The following GLIS1 variants were observed in gnomAD, a reference collection of about 807,000 sequenced individuals.
GLIS1 encodes zinc finger protein GLIS1.
Under a neutral mutation model 63.8 loss-of-function variants are expected in GLIS1, and 24 were observed. That is an observed-to-expected ratio of 0.38 (90% CI 0.27 to 0.53). The LOEUF is 0.53. Ranked by LOEUF, GLIS1 falls within the 20% of genes least tolerant of loss-of-function variation. The pLI, the probability that GLIS1 is intolerant of heterozygous loss-of-function variation, is 0.85. For synonymous variants in GLIS1, 450 were observed against 482.5 expected, an observed-to-expected ratio of 0.93 and a Z score of 0.88; for missense variants, 1,036 against 1,074.1, an observed-to-expected ratio of 0.96 and a Z score of 0.50.
rs367567739 is a variant in GLIS1 at position 53,594,525 on chromosome 1, C to T, written c.903G>A (p.Ser301=). 32 of 1,611,522 alleles carry T rather than the reference C, an allele frequency of 2.0e-5. No individual in the cohort carries two copies. The East Asian group carries it at 2.0e-4, about 10-fold the overall frequency. ...GCAAGCTGCCCTCATGGCTGTCCGT[C>T]GATGCAGGGCCAGGCCGGGCCCGCT... ...PSKRARPGPA[S]TDSHEGSLQL... is the part of the protein sequence containing the mutation. Residue 301 remains serine, a synonymous_variant, in exon 4 of 11, where the codon TCG becomes TCA. Transcript: ENST00000628545.
chr1:53,679,057 G>C (rs893761587), intron 2 of GLIS1, among the ~76,000 whole-genome samples: 1 of 152,216 alleles, frequency 6.6e-6, no homozygotes, highest in Non-Finnish European at 1.5e-5. Context: ...CAGGTCTGAA[G>C]TTGGGCTCGT....
intron 4 of GLIS1, among the ~76,000 whole-genome samples, chr1:53,537,447 G>A (rs1326173585): frequency 4.6e-5 from 7 of 152,238 alleles, no homozygotes; most frequent in Admixed American, 3.3e-4. Context: ...ACACCATGCC[G>A]CAAACCAAAG....
chr1:53,632,636 G>C (rs1002818055), intron 2 of GLIS1, among the ~76,000 whole-genome samples: 3 of 150,230 alleles, frequency 2.0e-5, no homozygotes, highest in African/African-American at 7.4e-5. Context: ...ATGTGAATGA[G>C]TGTGATTGAG....
rs1553120127 is a variant in GLIS1, at chr1:53,522,986, CTTTT to C, written c.1593+1787_1593+1790del. Among the ~76,000 whole-genome samples, 285 of 43,682 alleles carry C rather than the reference CTTTT, an allele frequency of 6.5e-3. 1 individual carries two copies. In the East Asian group the frequency reaches 0.14, roughly 22 times the overall value. 28.7% of individuals were successfully genotyped at this position (43,682 alleles called of 152,430 possible). The stretch of plus-strand genomic sequence containing the variant: ...AGTTTCTTTTTCTTTTCTTTTCTTT[CTTTT>C]TTTTTTTTTTTTTTTGAGACAGGGT... On this transcript the variant is annotated intron_variant, in intron 6 of 10. Coordinates refer to ENST00000628545, the MANE Select transcript of GLIS1 (RefSeq NM_001367484.1).
In GLIS1 at chr1:53,601,043, G is replaced by C. The variant is rs1429334554; in HGVS notation, c.260-765C>G. ...CTGGGCCTCAGTTTTCTCATCTACG[G>C]ATGAGGGATATACACCTCCAAACTC... is the stretch of plus-strand genomic sequence containing the variant. On this transcript the variant is annotated intron_variant, in intron 2 of 10. Coordinates refer to ENST00000628545, the MANE Select transcript of GLIS1 (RefSeq NM_001367484.1). 2.2e-4 allele frequency among the ~76,000 whole-genome samples: 27 copies of C among 123,458 alleles called. No homozygotes were observed. In the Admixed American group the frequency reaches 2.4e-3, roughly 11 times the overall value. The allele number at this position is 123,458 out of a possible 152,430, so 81.0% of individuals were successfully genotyped here.
In GLIS1 at chr1:53,639,803, T is replaced by C. The variant is rs1645766492; in HGVS notation, c.260-39525A>G. Among the ~76,000 whole-genome samples the C allele has an allele frequency of 6.6e-6, 1 of 152,100 alleles. No homozygotes were observed. The highest frequency in any genetic ancestry group is 6.6e-5 in the Admixed American group (1 of 15,266). ...AAACCCTTCTCCCCCAGGACTATAC[T>C]CCTCACAGCTGCCCCGAGGTTCTGC... On this transcript the variant is annotated intron_variant, in intron 2 of 10. Coordinates refer to ENST00000628545, the MANE Select transcript of GLIS1 (RefSeq NM_001367484.1). This position sits in a 1 kb window ranked among gnomAD's most constrained non-coding sequence, Gnocchi z 4.6.
chr1:53,630,083 T>C (rs963458960), intron 2 of GLIS1, among the ~76,000 whole-genome samples: 5 of 152,238 alleles, frequency 3.3e-5, no homozygotes, highest in Admixed American at 2.6e-4. Context: ...TACACATACA[T>C]ACAGATATTT....
At chr1:53,617,535 C>A (rs958837518) in intron 2 of GLIS1, among the ~76,000 whole-genome samples, 9 of 152,232 alleles carry the variant, frequency 5.9e-5, no homozygotes, top group Admixed American at 2.6e-4. Context: ...CTCGGCCACG[C>A]TACTTGTGAC....
At chr1:53,610,293 C>T (rs1569913872) in intron 2 of GLIS1, among the ~76,000 whole-genome samples, 1 of 152,174 alleles carries the variant, frequency 6.6e-6, no homozygotes, top group Non-Finnish European at 1.5e-5. Flanking sequence ...TCCCTTCATC[C>T]TGTTTCCATA....
At chr1:53,590,875 G>A (rs1460823849) in intron 4 of GLIS1, among the ~76,000 whole-genome samples, 2 of 152,160 alleles carry the variant, frequency 1.3e-5, no homozygotes, top group African/African-American at 4.8e-5. Flanking sequence ...AGATGCTCAG[G>A]CAGAGGGGAG....
intron 2 of GLIS1, among the ~76,000 whole-genome samples, chr1:53,688,027 G>A (rs1046335603): frequency 2.0e-5 from 3 of 151,262 alleles, no homozygotes; most frequent in African/African-American, 4.8e-5. Flanking sequence ...CAAGATCACC[G>A]TGCTGTGCTG....
chr1:53,542,212 G>A lies in GLIS1; in HGVS notation c.1321-12260C>T, dbSNP rs527726624. Among the ~76,000 whole-genome samples, 19 of 152,362 alleles carry A rather than the reference G, an allele frequency of 1.2e-4. 1 individual carries two copies. Among genetic ancestry groups the A allele is most frequent in the Admixed American group, 1.1e-3 (17 of 15,306 alleles). On this transcript the variant is annotated intron_variant, in intron 4 of 10. Coordinates refer to ENST00000628545, the MANE Select transcript of GLIS1 (RefSeq NM_001367484.1). ...GCCTCGGTTTTCATCTGTCAAAGGG[G>A]TCCGTGTGGAATAGCACTGCACCTC...
intron 4 of GLIS1, among the ~76,000 whole-genome samples, chr1:53,558,112 G>C (rs1253224835): frequency 3.9e-5 from 6 of 152,138 alleles, no homozygotes; most frequent in Non-Finnish European, 8.8e-5. Context: ...AGGCTGGAAG[G>C]GCACACTGTC....
chr1:53,684,589 C>T (rs192333634), intron 2 of GLIS1, among the ~76,000 whole-genome samples: 19 of 152,214 alleles, frequency 1.2e-4, no homozygotes, highest in Non-Finnish European at 1.8e-4. Context: ...TCCAGTACCT[C>T]CTGAAGCACA....
intron 2 of GLIS1, among the ~76,000 whole-genome samples, chr1:53,688,237 G>A (rs1370921435): frequency 6.6e-6 from 1 of 152,350 alleles, no homozygotes; most frequent in East Asian, 1.9e-4. Context: ...GCTCCCTCCT[G>A]TGCCCAGGAA....
chr1:53,509,321 AAGG>A lies in GLIS1; in HGVS notation c.2063-37_2063-35del, dbSNP rs575396447. On this transcript the variant is annotated intron_variant, in intron 9 of 10. Coordinates refer to ENST00000628545, the MANE Select transcript of GLIS1 (RefSeq NM_001367484.1). ...GGGGGTAGCAGGGGCCGCGTTCACAAAGGAGAAGTGCCCAGGGCAGGGAGGGGA... is the reference window on the plus strand; with the variant it reads ...GGGGGTAGCAGGGGCCGCGTTCACAAAGAAGTGCCCAGGGCAGGGAGGGGA... 524 of 1,524,612 alleles carry A rather than the reference AAGG, an allele frequency of 3.4e-4. 5 individuals are homozygous for A. The African/African-American group carries it at 6.4e-3, about 19-fold the overall frequency. 94.4% of individuals were successfully genotyped at this position (1,524,612 alleles called of 1,614,324 possible). A position where few individuals can be genotyped will look rare whatever the true frequency, so the allele number is the denominator to read the frequency against.
chr1:53,659,547 C>T lies in GLIS1; in HGVS notation c.260-59269G>A, dbSNP rs1033577350. On this transcript the variant is annotated intron_variant, in intron 2 of 10. Transcript: ENST00000628545. ...GTTGGTGACAGACCAAGACTGGCACCCAGGTCTCCCTGCTCCCAGTCAGGA... is the reference window on the plus strand; with the variant it reads ...GTTGGTGACAGACCAAGACTGGCACTCAGGTCTCCCTGCTCCCAGTCAGGA... Among the ~76,000 whole-genome samples, 5 of 152,156 alleles carry T rather than the reference C, an allele frequency of 3.3e-5. No homozygotes were observed. In the South Asian group the frequency reaches 8.3e-4, roughly 25 times the overall value.
In GLIS1 at chr1:53,737,845, G is replaced by A; in HGVS notation, c.220C>T (p.Arg74Ter). Residue 74 changes from arginine (R) to a stop codon, truncating the protein, a stop_gained, in exon 2 of 11, where the codon CGA becomes TGA. Transcript: ENST00000628545. LOFTEE classifies it high-confidence loss of function. Reference protein sequence around the residue: ...AHDLLRPRSPRDYGPSKAAAA... With the variant: ...AHDLLRPRSP ...GCGGCCTTGGATGGACCGTAGTCTCGGGGACTGCGGGGCCGGAGGAGGTCG... is the reference window on the plus strand; with the variant it reads ...GCGGCCTTGGATGGACCGTAGTCTCAGGGACTGCGGGGCCGGAGGAGGTCG... 1 of 1,231,070 alleles carries A rather than the reference G, an allele frequency of 8.1e-7. No homozygotes were observed. The highest frequency in any genetic ancestry group is 1.0e-6 in the Non-Finnish European group (1 of 987,502). 76.3% of individuals were successfully genotyped at this position (1,231,070 alleles called of 1,614,324 possible). A position where few individuals can be genotyped will look rare whatever the true frequency, so the allele number is the denominator to read the frequency against.
In GLIS1 at chr1:53,514,762, G is replaced by C. The variant is rs1644333810; in HGVS notation, c.1746C>G (p.Ile582Met). 3 of 1,600,846 alleles carry C rather than the reference G, an allele frequency of 1.9e-6. No individual in the cohort carries two copies. Among genetic ancestry groups the C allele is most frequent in the Non-Finnish European group, 2.6e-6 (3 of 1,173,728 alleles). Residue 582 changes from isoleucine (I) to methionine (M), a missense_variant, in exon 8 of 11, where the codon ATC becomes ATG. By Grantham distance (10) the Ile-to-Met change is conservative (BLOSUM62 1). Around this residue, in one of 3 missense-constraint regions of GLIS1, gnomAD observed 400 missense variants for 400.9 expected, o/e 1.00. Coordinates refer to ENST00000628545, the MANE Select transcript of GLIS1 (RefSeq NM_001367484.1). ...ELLPGVYPGS[I>M]TPHNGLASGL... Reference sequence around the variant, plus strand: ...CCGATGCAAGTCCGTTATGGGGGGTGATGGAGCCAGGATACACACCTGCAG... The same window carrying C: ...CCGATGCAAGTCCGTTATGGGGGGTCATGGAGCCAGGATACACACCTGCAG...
Sources: allele counts gnomAD v4.1 joint callset (sites outside exome capture counted in the v4.1 genomes callset), GRCh38; gene constraint gnomAD v4.1.1; regional missense constraint gnomAD v4.1.1; non-coding constraint Gnocchi (gnomAD v3.1); transcripts MANE v1.5; gene names NCBI Gene and HGNC (gene_info 2026-07-23, HGNC 2026-07-21).